RAPGEF5: variants seen among roughly 807,000 people sequenced by gnomAD.
RAPGEF5 encodes the protein M-Ras-regulated GEF.
RAPGEF5 carries 65 observed loss-of-function variants against 125.2 expected under a neutral mutation model. The ratio of observed to expected loss-of-function variants is 0.52; its 90% confidence interval spans 0.43 to 0.64. The LOEUF is 0.64. Among genes scored for constraint, RAPGEF5 ranks in the 30% least tolerant of loss-of-function variants. The pLI is 0.00. For missense variants in RAPGEF5, 958 were observed against 1,048.1 expected (o/e 0.91, Z 1.19); for synonymous variants, 391 against 385.9 (o/e 1.01, Z -0.16).
At chr7:22,138,712 T>C (rs1177687504) in intron 21 of RAPGEF5, among the ~76,000 whole-genome samples, 2 of 152,268 alleles carry the variant, frequency 1.3e-5, no homozygotes, top group Non-Finnish European at 2.9e-5. Context: ...AGCCATCTCC[T>C]GTCTGCTATG....
At chr7:22,167,048 G>A (rs1784190615) in intron 12 of RAPGEF5, 22 bp downstream of exon 12, 1 of 1,580,118 alleles carries the variant, frequency 6.3e-7, no homozygotes, top group Non-Finnish European at 8.7e-7. Context: ...GGACACAGCA[G>A]CCTGAAGATA....
chr7:22,247,522 T>G (rs1331328895), intron 7 of RAPGEF5, among the ~76,000 whole-genome samples: 2 of 152,214 alleles, frequency 1.3e-5, no homozygotes. Flanking sequence ...CTCTCTTGCC[T>G]GCTGCCATCT....
intron 6 of RAPGEF5, among the ~76,000 whole-genome samples, chr7:22,288,300 T>G (rs112569931): frequency 2.7e-4 from 41 of 152,292 alleles, no homozygotes; most frequent in African/African-American, 8.9e-4. Context: ...TTCCAGAAGC[T>G]CTCTGAGCTT....
At chr7:22,316,906 A>T (rs1184259903) in intron 2 of RAPGEF5, among the ~76,000 whole-genome samples, 1 of 151,442 alleles carries the variant, frequency 6.6e-6, no homozygotes, top group East Asian at 1.9e-4. Flanking sequence ...TCCTGATATC[A>T]TCTCCTAAAT....
At position 22,316,350 on chromosome 7, in the gene RAPGEF5, T is replaced by TATAGATAGATAGATAG. The variant is rs55885957; in HGVS notation, c.283-890_283-875dup. Among the ~76,000 whole-genome samples, 107 of 145,118 alleles carry TATAGATAGATAGATAG rather than the reference T, an allele frequency of 7.4e-4. 1 individual carries two copies. Among genetic ancestry groups the TATAGATAGATAGATAG allele is most frequent in the East Asian group, 3.0e-3 (15 of 5,048 alleles). ...TAGTAAATTTTTTATGTATCTACTA[T>TATAGATAGATAGATAG]ATAGATAGATAGATAGATAGATAGA... is the stretch of plus-strand genomic sequence containing the variant. On this transcript the variant is annotated intron_variant, in intron 2 of 25. Transcript: ENST00000665637.
intron 12 of RAPGEF5, among the ~76,000 whole-genome samples, chr7:22,165,096 TAAAG>T (rs1014946590): frequency 3.3e-5 from 5 of 152,150 alleles, no homozygotes; most frequent in African/African-American, 7.2e-5. Flanking sequence ...GAAACAATCA[TAAAG>T]AAAGACTTCT....
In RAPGEF5 at chr7:22,266,993, G is replaced by C; in HGVS notation, c.767C>G (p.Ala256Gly). 1 of 1,610,692 alleles carries C rather than the reference G, an allele frequency of 6.2e-7. No individual in the cohort carries two copies. Among genetic ancestry groups the C allele is most frequent in the Non-Finnish European group, 8.5e-7 (1 of 1,177,390 alleles). The change falls in exon 7 of 26, where the codon GCT becomes GGT. Residue 256 changes from alanine to glycine, a missense_variant. By Grantham distance (60) the Ala-to-Gly change is moderately conservative. Coordinates refer to ENST00000665637, the MANE Select transcript of RAPGEF5 (RefSeq NM_012294.5). ...LTSAVQRELA[A>G]VIALKARKSA... ...CTTCCTTGCTTTCAAAGCAATAACA[G>C]CTGCTAGCTCTCTCTGCACCTAATA...
At chr7:22,219,430 A>G (rs971711211) in intron 9 of RAPGEF5, among the ~76,000 whole-genome samples, 3 of 150,558 alleles carry the variant, frequency 2.0e-5, no homozygotes, top group Non-Finnish European at 4.4e-5. Context: ...TTGTGTTTTC[A>G]TCTATTTCTA....
chr7:22,145,827 G>C (rs1013760668), intron 19 of RAPGEF5, among the ~76,000 whole-genome samples: 2 of 152,038 alleles, frequency 1.3e-5, no homozygotes, highest in East Asian at 1.9e-4. Flanking sequence ...ATAAAACATT[G>C]TCAAACCATA....
At chr7:22,256,341 T>C (rs768643268) in intron 7 of RAPGEF5, among the ~76,000 whole-genome samples, 6 of 152,172 alleles carry the variant, frequency 3.9e-5, no homozygotes, top group Non-Finnish European at 5.9e-5. Context: ...CTGAATAAAA[T>C]AGTCCCAAGG....
intron 3 of RAPGEF5, among the ~76,000 whole-genome samples, chr7:22,313,367 T>C (rs1783516912): frequency 6.6e-6 from 1 of 152,238 alleles, no homozygotes; most frequent in South Asian, 2.1e-4. Context: ...GTTTTGAAAG[T>C]GAGTTCTCAC....
At chr7:22,239,543 G>T (rs140533354) in intron 7 of RAPGEF5, among the ~76,000 whole-genome samples, 1 of 151,956 alleles carries the variant, frequency 6.6e-6, no homozygotes, top group East Asian at 1.9e-4. Context: ...GTTCTGGGTG[G>T]CCTCGCTCCA....
rs1583567930 is a variant in RAPGEF5, at chr7:22,308,674, G to A, written c.512-167C>T. Among the ~76,000 whole-genome samples, 7 of 152,240 alleles carry A rather than the reference G, an allele frequency of 4.6e-5. No individual in the cohort carries two copies. The South Asian group carries it at 1.5e-3, about 32-fold the overall frequency. ...GTTTATAATCCCATTGAATTGGAAA[G>A]GACTTACTGACTAGTCTATTTTTAC... On this transcript the variant is annotated intron_variant, in intron 4 of 25. Transcript: ENST00000665637.
intron 1 of RAPGEF5, among the ~76,000 whole-genome samples, chr7:22,322,390 G>T (rs1301671650): frequency 6.6e-6 from 1 of 151,586 alleles, no homozygotes; most frequent in Non-Finnish European, 1.5e-5. Context: ...CAAGCAATCC[G>T]CTCGCCTCAG....
At chr7:22,266,239 T>C (rs1260608784) in intron 7 of RAPGEF5, among the ~76,000 whole-genome samples, 1 of 152,202 alleles carries the variant, frequency 6.6e-6, no homozygotes, top group Non-Finnish European at 1.5e-5. Context: ...TTTAACATTA[T>C]CCAAGAAGTA....
At chr7:22,323,172 C>A (rs1274585791) in intron 1 of RAPGEF5, among the ~76,000 whole-genome samples, 1 of 152,172 alleles carries the variant, frequency 6.6e-6, no homozygotes, top group Non-Finnish European at 1.5e-5. Flanking sequence ...TAGCGTAGTA[C>A]CCACATACCT....
At chr7:22,281,398 G>A (rs1036104680) in intron 6 of RAPGEF5, among the ~76,000 whole-genome samples, 1 of 152,110 alleles carries the variant, frequency 6.6e-6, no homozygotes, top group Non-Finnish European at 1.5e-5. Context: ...TTTTTGTAGA[G>A]ACAGGTTCTC....
At chr7:22,176,731 ATGTTG>A (rs1784520494) in intron 11 of RAPGEF5, among the ~76,000 whole-genome samples, 1 of 152,062 alleles carries the variant, frequency 6.6e-6, no homozygotes, top group African/African-American at 2.4e-5. Context: ...GGGTTTTACC[ATGTTG>A]GTCAGGCTGG....
At chr7:22,348,120 G>C (rs929198321) in intron 1 of RAPGEF5, among the ~76,000 whole-genome samples, 16 of 152,118 alleles carry the variant, frequency 1.1e-4, no homozygotes, top group African/African-American at 3.9e-4. Flanking sequence ...TGTGGCACAG[G>C]CTTCAGAACA....
Sources: allele counts gnomAD v4.1 joint callset (sites outside exome capture counted in the v4.1 genomes callset), GRCh38; gene constraint gnomAD v4.1.1; transcripts MANE v1.5; gene names NCBI Gene and HGNC (gene_info 2026-07-23, HGNC 2026-07-21).